Variants in TTC32 observed in about 807,000 individuals in gnomAD.
TTC32 encodes the protein tetratricopeptide repeat protein 32.
TTC32 carries 16 observed loss-of-function variants against 15.3 expected under a neutral mutation model. The ratio of observed to expected loss-of-function variants is 1.05; its 90% confidence interval spans 0.71 to 1.59. The LOEUF is 1.59. Among genes scored for constraint, TTC32 ranks in the 40% most tolerant of loss-of-function variants. The pLI is 0.00. For synonymous variants in TTC32, 89 were observed against 67.8 expected, an observed-to-expected ratio of 1.31 and a Z score of -1.53; for missense variants, 188 against 181.9, an observed-to-expected ratio of 1.03 and a Z score of -0.19.
intron 1 of TTC32, among the ~76,000 whole-genome samples, chr2:19,898,638 T>C (rs1199789854): frequency 6.6e-6 from 1 of 152,192 alleles, no homozygotes; most frequent in African/African-American, 2.4e-5. Flanking sequence ...GGCTTCCTGC[T>C]AGGAGGGTGG....
intron 1 of TTC32, among the ~76,000 whole-genome samples, chr2:19,899,221 G>C (rs1423360805): frequency 6.6e-6 from 1 of 152,158 alleles, no homozygotes; most frequent in Non-Finnish European, 1.5e-5. Context: ...ACTGGATGTA[G>C]GGATACTTCT....
At chr2:19,901,442 G>A (rs1669601232) in intron 1 of TTC32, 3 of 383,824 alleles carry the variant, frequency 7.8e-6, no homozygotes, top group African/African-American at 7.2e-5. Context: ...CGAGGATCGC[G>A]CAGAGGGCTT....
Position 19,901,809 on chromosome 2 carries a change from G to A in TTC32, c.46C>T (p.Gln16Ter). The A allele has an allele frequency of 1.2e-6, 2 of 1,614,218 alleles. No individual in the cohort carries two copies. The highest frequency in any genetic ancestry group is 1.7e-6 in the Non-Finnish European group (2 of 1,180,034). The change falls in exon 1 of 3, where the codon CAG becomes TAG. Residue 16 changes from glutamine (Q) to a stop codon, truncating the protein, a stop_gained. Coordinates refer to ENST00000333610, the MANE Select transcript of TTC32 (RefSeq NM_001008237.3). LOFTEE classifies it high-confidence loss of function. ...QESHATLTLA[Q>*]AHFNNGEYAE... ...TACTCTCCATTGTTGAAATGAGCCT[G>A]GGCGAGTGTTAGGGTTGCGTGGCTT...
chr2:19,897,961 T>C lies in TTC32; in HGVS notation c.224A>G (p.Tyr75Cys). 1 of 1,612,762 alleles carries C rather than the reference T, an allele frequency of 6.2e-7. No homozygotes were observed. The highest frequency in any genetic ancestry group is 8.5e-7 in the Non-Finnish European group (1 of 1,178,940). ...GQIKYFRVDFYEAMDDYTSAI... is the reference protein window; with the variant it reads ...GQIKYFRVDFCEAMDDYTSAI... ...AGATGTGTAGTCATCCATGGCTTCATAAAAATCAACCCTGAAGTACTTGAT... is the reference window on the plus strand; with the variant it reads ...AGATGTGTAGTCATCCATGGCTTCACAAAAATCAACCCTGAAGTACTTGAT... The change falls in exon 2 of 3, where the codon TAT becomes TGT. Residue 75 changes from tyrosine (Y) to cysteine (C), a missense_variant. Coordinates refer to ENST00000333610, the MANE Select transcript of TTC32 (RefSeq NM_001008237.3).
At chr2:19,901,587 C>T in intron 1 of TTC32, 119 bp downstream of exon 1, 1 of 1,363,324 alleles carries the variant, frequency 7.3e-7, no homozygotes, top group Non-Finnish European at 9.9e-7. Flanking sequence ...CCGCTCAGTC[C>T]TAGTGCTGGG....
intron 1 of TTC32, chr2:19,901,423 G>A: frequency 2.5e-6 from 1 of 403,122 alleles, no homozygotes; most frequent in South Asian, 2.8e-5. Flanking sequence ...AGAGGCGGCG[G>A]CCCGCGCCCG....
At chr2:19,901,673 G>C (rs1669607792) in intron 1 of TTC32, 33 bp downstream of exon 1, 1 of 1,598,676 alleles carries the variant, frequency 6.3e-7, no homozygotes, top group Non-Finnish European at 8.5e-7. Flanking sequence ...CTCCACCCGG[G>C]GTCGCCGCGG....
chr2:19,897,685 G>A (rs755024211), intron 2 of TTC32, among the ~76,000 whole-genome samples, 184 bp downstream of exon 2: 1 of 152,192 alleles, frequency 6.6e-6, no homozygotes, highest in Non-Finnish European at 1.5e-5. Flanking sequence ...GTGCTCTGCT[G>A]TGATCTATAA....
intron 1 of TTC32, among the ~76,000 whole-genome samples, chr2:19,900,364 T>C (rs1669581656): frequency 6.6e-6 from 1 of 152,220 alleles, no homozygotes; most frequent in Non-Finnish European, 1.5e-5. Flanking sequence ...TTATTATTCT[T>C]GTGTGTTATT....
At chr2:19,899,197 G>A (rs893021362) in intron 1 of TTC32, among the ~76,000 whole-genome samples, 2 of 152,160 alleles carry the variant, frequency 1.3e-5, no homozygotes, top group African/African-American at 4.8e-5. Flanking sequence ...TCTATTCTAT[G>A]AGCTGTGATG....
At chr2:19,899,470 T>C (rs1339569695) in intron 1 of TTC32, among the ~76,000 whole-genome samples, 1 of 126,458 alleles carries the variant, frequency 7.9e-6, no homozygotes, top group African/African-American at 2.8e-5. Context: ...AGACTTAGAA[T>C]TAGATCTCAT....
chr2:19,897,915 A>C lies in TTC32; in HGVS notation c.270T>G (p.Asn90Lys). ...DYTSAIEVQP[N>K]FEVPYYNRGL... ...CTCTGTTGTAATATGGAACTTCAAA[A>C]TTGGGTTGGACTTCTATGGCAGATG... The change falls in exon 2 of 3, where the codon AAT becomes AAG. Residue 90 changes from asparagine (N) to lysine (K), a missense_variant. Transcript: ENST00000333610. 1 of 1,612,112 alleles carries C rather than the reference A, an allele frequency of 6.2e-7. No homozygotes were observed.
chr2:19,901,968 C>T lies in TTC32; in HGVS notation c.-114G>A. 4 of 1,376,572 alleles carry T rather than the reference C, an allele frequency of 2.9e-6. No individual in the cohort carries two copies. The highest frequency in any genetic ancestry group is 2.4e-5 in the East Asian group (1 of 42,480). 85.3% of individuals were successfully genotyped at this position (1,376,572 alleles called of 1,614,324 possible). A position where few individuals can be genotyped will look rare whatever the true frequency, so the allele number is the denominator to read the frequency against. The stretch of plus-strand genomic sequence containing the variant: ...AATCTACCTTGACAGCCAACCTTGG[C>T]GCTAGGTTTGTGCCTTATGGGGATC... On this transcript the variant is annotated 5_prime_UTR_variant, in exon 1 of 3. Transcript: ENST00000333610.
rs555045130 is a variant in TTC32 at position 19,901,622 on chromosome 2, T to G, written c.149+84A>C. 95 of 1,523,006 alleles carry G rather than the reference T, an allele frequency of 6.2e-5. 4 individuals carry two copies. The highest frequency in any genetic ancestry group is 6.2e-6 in the Non-Finnish European group (7 of 1,134,666). The allele number at this position is 1,523,006 out of a possible 1,614,324, so 94.3% of individuals were successfully genotyped here. On this transcript the variant is annotated intron_variant, in intron 1 of 2. Transcript: ENST00000333610. The stretch of plus-strand genomic sequence containing the variant: ...GTTATGACAAGCGCCGACCGTGAGC[T>G]CCAGAGGCAAAGATAGGAGCCCAAA...
intron 1 of TTC32, among the ~76,000 whole-genome samples, chr2:19,900,685 G>C (rs1669585498): frequency 6.6e-6 from 1 of 152,212 alleles, no homozygotes; most frequent in Non-Finnish European, 1.5e-5. Flanking sequence ...GACAGTAACA[G>C]GTGAAGCCGC....
intron 1 of TTC32, among the ~76,000 whole-genome samples, chr2:19,899,643 T>C (rs907335747): frequency 1.3e-5 from 2 of 149,394 alleles, no homozygotes; most frequent in African/African-American, 4.9e-5. Context: ...AATGTGAATT[T>C]TTAGGATTTG....
In TTC32 at chr2:19,896,962, C is replaced by T. The variant is rs763647606; in HGVS notation, c.*25G>A. ...AGATGCAGATGTAAGGATCATGAAT[C>T]AATACTTCCATTAAGTTAAAAATAT... On this transcript the variant is annotated 3_prime_UTR_variant, in exon 3 of 3. Coordinates refer to ENST00000333610, the MANE Select transcript of TTC32 (RefSeq NM_001008237.3). 1.3e-6 allele frequency: 2 copies of T among 1,542,312 alleles called. No homozygotes were observed. The highest frequency in any genetic ancestry group is 1.8e-6 in the Non-Finnish European group (2 of 1,133,906).
intron 1 of TTC32, among the ~76,000 whole-genome samples, chr2:19,899,214 G>C (rs1170738662): frequency 1.3e-5 from 2 of 152,128 alleles, no homozygotes; most frequent in Non-Finnish European, 2.9e-5. Context: ...GATGGAGACT[G>C]GATGTAGGGA....
At chr2:19,901,383 G>A in intron 1 of TTC32, 2 of 339,850 alleles carry the variant, frequency 5.9e-6, no homozygotes, top group Non-Finnish European at 1.1e-5. Flanking sequence ...GGGTGCGAAT[G>A]AGGAACGTGG....
Sources: gnomAD v4.1 joint callset for allele counts (sites outside exome capture counted in the v4.1 genomes callset) on GRCh38, gnomAD v4.1.1 for gene constraint, MANE v1.5 for transcripts, NCBI Gene and HGNC (gene_info 2026-07-23, HGNC 2026-07-21) for gene names.